Variants in OPCML observed in about 807,000 individuals in gnomAD.
OPCML encodes the protein opioid-binding protein/cell adhesion molecule.
A neutral mutation model predicts 37.8 loss-of-function variants in OPCML; 13 were observed. The ratio of observed to expected loss-of-function variants is 0.34; its 90% CI spans 0.22 to 0.55. The LOEUF (loss-of-function observed/expected upper bound fraction) is 0.55, where lower values mean the gene tolerates loss of function less well. Ranked by LOEUF, OPCML falls within the 20% of genes least tolerant of loss-of-function variation. The pLI, the probability that OPCML is intolerant of heterozygous loss-of-function variation, is 0.91. For missense variants in OPCML, 341 were observed against 435.6 expected, an observed-to-expected ratio of 0.78 and a Z score of 1.93; for synonymous variants, 176 against 168.8, an observed-to-expected ratio of 1.04 and a Z score of -0.33.
intron 2 of OPCML, among the ~76,000 whole-genome samples, chr11:132,699,776 A>G (rs1024118989): frequency 2.0e-5 from 3 of 152,058 alleles, no homozygotes; most frequent in African/African-American, 7.2e-5. Context: ...TTATGCATTT[A>G]TATTTATCAG....
At chr11:132,481,223 G>A (rs2096179308) in intron 4 of OPCML, among the ~76,000 whole-genome samples, 1 of 152,088 alleles carries the variant, frequency 6.6e-6, no homozygotes, top group African/African-American at 2.4e-5. Context: ...AAGGGATGGA[G>A]GAAGATCTAC....
intron 1 of OPCML, among the ~76,000 whole-genome samples, chr11:133,527,178 C>T (rs1948507841): frequency 6.6e-6 from 1 of 152,228 alleles, no homozygotes; most frequent in Non-Finnish European, 1.5e-5. Flanking sequence ...AGATGGGGCT[C>T]CTGGAGTTCC....
intron 1 of OPCML, among the ~76,000 whole-genome samples, chr11:133,406,856 T>G (rs954493931): frequency 3.9e-5 from 6 of 152,224 alleles, no homozygotes; most frequent in Admixed American, 3.9e-4. Flanking sequence ...TTAAGTGATT[T>G]TTTGAAACCT....
intron 2 of OPCML, among the ~76,000 whole-genome samples, chr11:132,858,054 A>G (rs1269504260): frequency 6.6e-6 from 1 of 152,222 alleles, no homozygotes; most frequent in East Asian, 1.9e-4. Context: ...TGAAGACAGA[A>G]GTCGGCGGTT....
intron 2 of OPCML, among the ~76,000 whole-genome samples, chr11:132,689,209 A>G (rs1000675473): frequency 7.2e-5 from 11 of 152,172 alleles, no homozygotes; most frequent in Admixed American, 7.2e-4. Flanking sequence ...TGTCATCTAA[A>G]TTGTGAAGGG....
At chr11:133,197,840 C>T (rs1938597097) in intron 1 of OPCML, among the ~76,000 whole-genome samples, 2 of 152,138 alleles carry the variant, frequency 1.3e-5, no homozygotes, top group African/African-American at 2.4e-5. Context: ...CCCCAAACAG[C>T]CTTTAGTCAA....
intron 1 of OPCML, among the ~76,000 whole-genome samples, chr11:133,154,793 G>A: frequency 6.6e-6 from 1 of 152,132 alleles, no homozygotes; most frequent in East Asian, 1.9e-4. Context: ...GCCTGAGAAA[G>A]GAAGAATAGC....
chr11:133,188,314 G>A (rs1938173116), intron 1 of OPCML, among the ~76,000 whole-genome samples: 1 of 152,230 alleles, frequency 6.6e-6, no homozygotes, highest in African/African-American at 2.4e-5. Context: ...CTTCACATCT[G>A]TCTTTATCAC....
At chr11:133,135,402 A>AGGT (rs1949673232) in intron 1 of OPCML, among the ~76,000 whole-genome samples, 1 of 149,340 alleles carries the variant, frequency 6.7e-6, no homozygotes, top group African/African-American at 2.5e-5. Context: ...CCTGTGCAAG[A>AGGT]GGTGGGTGTG....
intron 1 of OPCML, among the ~76,000 whole-genome samples, chr11:132,971,472 G>A (rs773663269): frequency 2.0e-5 from 3 of 152,106 alleles, no homozygotes; most frequent in Non-Finnish European, 2.9e-5. Flanking sequence ...AGCTAAGCCC[G>A]TGCGTTCAGC....
At chr11:133,296,436 C>T (rs768233377) in intron 1 of OPCML, among the ~76,000 whole-genome samples, 2 of 152,066 alleles carry the variant, frequency 1.3e-5, no homozygotes, top group Admixed American at 6.6e-5. Flanking sequence ...TCTGGAAGCC[C>T]GCTCAACAAT....
intron 2 of OPCML, chr11:132,860,760 G>T (rs557210272): frequency 6.6e-6 from 1 of 152,066 alleles, no homozygotes; most frequent in Admixed American, 6.6e-5. Flanking sequence ...CTAGATTCAC[G>T]TAACTGTACT....
chr11:133,433,820 C>T (rs567772091), intron 1 of OPCML, among the ~76,000 whole-genome samples: 36 of 152,250 alleles, frequency 2.4e-4, no homozygotes, highest in Non-Finnish European at 4.9e-4. Flanking sequence ...CTGTAATCTT[C>T]CCGGCCATTT....
At chr11:132,810,157 C>T (rs1279388201) in intron 2 of OPCML, among the ~76,000 whole-genome samples, 1 of 152,114 alleles carries the variant, frequency 6.6e-6, no homozygotes, top group African/African-American at 2.4e-5. Context: ...CCTCTCCCTC[C>T]GTCTTCTGAG....
At chr11:132,437,505 T>C in intron 4 of OPCML, 146 bp from the exon 5 acceptor site, 2 of 1,459,268 alleles carry the variant, frequency 1.4e-6, no homozygotes, top group Non-Finnish European at 1.8e-6. Flanking sequence ...TAGGGCATCA[T>C]GTTGCTCAAA....
chr11:132,570,777 A>ATATATATATATATATT (rs2096435684), intron 3 of OPCML, among the ~76,000 whole-genome samples: 1 of 114,862 alleles, frequency 8.7e-6, no homozygotes, highest in African/African-American at 3.4e-5. Flanking sequence ...ATATATATAT[A>ATATATATATATATATT]TATATATATA....
chr11:132,726,884 C>A (rs549229399), intron 2 of OPCML, among the ~76,000 whole-genome samples: 1 of 152,156 alleles, frequency 6.6e-6, no homozygotes, highest in African/African-American at 2.4e-5. Context: ...GCACTTCCTA[C>A]CAAACCCCTC....
At chr11:132,589,137 G>A (rs567184785) in intron 3 of OPCML, among the ~76,000 whole-genome samples, 1 of 152,194 alleles carries the variant, frequency 6.6e-6, no homozygotes, top group African/African-American at 2.4e-5. Context: ...ATAGTCTGAA[G>A]AATATGCAAT....
intron 1 of OPCML, among the ~76,000 whole-genome samples, chr11:133,417,502 A>G (rs996632016): frequency 6.7e-6 from 1 of 149,168 alleles, no homozygotes; most frequent in African/African-American, 2.5e-5. Flanking sequence ...TTATTATTAT[A>G]CTTTAAGTTC....
Sources: allele counts gnomAD v4.1 joint callset (sites outside exome capture counted in the v4.1 genomes callset), GRCh38; gene constraint gnomAD v4.1.1; transcripts MANE v1.5; gene names NCBI Gene and HGNC (gene_info 2026-07-23, HGNC 2026-07-21).